PHAX: variants seen among roughly 807,000 people sequenced by gnomAD.
PHAX encodes the protein phosphorylated adaptor for RNA export.
PHAX carries 31 observed loss-of-function variants against 41.6 expected under a neutral mutation model. That is an observed-to-expected ratio of 0.75 (90% confidence interval 0.56 to 1.01). PHAX has a LOEUF of 1.01. Ranked by LOEUF, PHAX falls within the 50% of genes least tolerant of loss-of-function variation. The probability of loss-of-function intolerance (pLI) is 0.00; values close to 1 mark genes in which losing one functional copy is unlikely to be tolerated. For missense variants in PHAX, 453 were observed against 472.9 expected, an observed-to-expected ratio of 0.96 and a Z score of 0.39; for synonymous variants, 175 against 164.9, an observed-to-expected ratio of 1.06 and a Z score of -0.47.
intron 4 of PHAX, among the ~76,000 whole-genome samples, chr5:126,619,704 G>A (rs900339290): frequency 2.6e-5 from 4 of 152,114 alleles, no homozygotes; most frequent in African/African-American, 7.2e-5. Flanking sequence ...ACTAGAAGGT[G>A]TAGACTCTTT....
chr5:126,607,959 T>C (rs1752017079), intron 2 of PHAX, among the ~76,000 whole-genome samples: 1 of 152,186 alleles, frequency 6.6e-6, no homozygotes, highest in South Asian at 2.1e-4. Context: ...CCTATCCCAT[T>C]TTAAAGCTCC....
intron 3 of PHAX, among the ~76,000 whole-genome samples, chr5:126,613,216 G>T (rs1320044449): frequency 6.6e-6 from 1 of 152,086 alleles, no homozygotes; most frequent in African/African-American, 2.4e-5. Context: ...GGGTGTGGTG[G>T]CATGTGCCTG....
intron 3 of PHAX, among the ~76,000 whole-genome samples, chr5:126,616,919 A>G (rs1044127054): frequency 1.3e-5 from 2 of 151,798 alleles, no homozygotes; most frequent in Non-Finnish European, 2.9e-5. Context: ...TGACTTAGCC[A>G]GGTGGCAGAT....
At chr5:126,606,480 C>A (rs999244683) in intron 2 of PHAX, among the ~76,000 whole-genome samples, 3 of 151,986 alleles carry the variant, frequency 2.0e-5, no homozygotes, top group African/African-American at 7.3e-5. Context: ...CTGTGCCCAG[C>A]CAATGTTGTG....
chr5:126,617,296 T>C lies in PHAX; in HGVS notation c.878T>C (p.Leu293Ser). 6.2e-7 allele frequency: 1 copy of C among 1,611,008 alleles called. No homozygotes were observed. Among genetic ancestry groups the C allele is most frequent in the Non-Finnish European group, 8.5e-7 (1 of 1,177,648 alleles). Reference sequence around the variant, plus strand: ...CCAGGTGGAGTTTTTCTGAATCTCTTGAAAAACACTCCTAGTATCAGCGAG... The same window carrying C: ...CCAGGTGGAGTTTTTCTGAATCTCTCGAAAAACACTCCTAGTATCAGCGAG... ...RTPGGVFLNL[L>S]KNTPSISEEQ... The change falls in exon 4 of 5, where the codon TTG becomes TCG. Residue 293 changes from leucine (L) to serine (S), a missense_variant. Coordinates refer to ENST00000297540, the MANE Select transcript of PHAX (RefSeq NM_032177.4).
chr5:126,610,469 G>A (rs954494905), intron 3 of PHAX, among the ~76,000 whole-genome samples: 13 of 152,242 alleles, frequency 8.5e-5, no homozygotes, highest in African/African-American at 3.1e-4. Flanking sequence ...GAAACAGCCT[G>A]TGAACATAAA....
At chr5:126,606,818 ATT>A (rs67434680) in intron 2 of PHAX, among the ~76,000 whole-genome samples, 2 of 149,430 alleles carry the variant, frequency 1.3e-5, no homozygotes, top group Non-Finnish European at 3.0e-5. Context: ...CGCCCAGATA[ATT>A]TTTTTTTTGT....
intron 3 of PHAX, among the ~76,000 whole-genome samples, chr5:126,609,825 C>A (rs915607044): frequency 6.6e-6 from 1 of 152,070 alleles, no homozygotes; most frequent in Non-Finnish European, 1.5e-5. Flanking sequence ...CTGAAACCTC[C>A]ATCTCCCGAG....
intron 4 of PHAX, among the ~76,000 whole-genome samples, chr5:126,617,737 C>T (rs781741251): frequency 7.9e-5 from 12 of 152,184 alleles, no homozygotes; most frequent in Non-Finnish European, 1.6e-4. Context: ...TCTCGGCCCC[C>T]ACAAAGTGCT....
intron 1 of PHAX, 85 bp downstream of exon 1, chr5:126,601,143 G>C: frequency 3.1e-6 from 3 of 962,372 alleles, no homozygotes; most frequent in Non-Finnish European, 4.8e-6. Context: ...GTGAGGGTGA[G>C]GGGTGGGAGC....
chr5:126,614,543 CAG>C (rs1299478752), intron 3 of PHAX, among the ~76,000 whole-genome samples: 1 of 152,058 alleles, frequency 6.6e-6, no homozygotes, highest in Non-Finnish European at 1.5e-5. Flanking sequence ...TTTATGTGTA[CAG>C]AGTTTCAGAT....
intron 1 of PHAX, among the ~76,000 whole-genome samples, chr5:126,603,074 C>CAA (rs200469175): frequency 0.059 from 7,094 of 121,014 alleles, 327 homozygotes; most frequent in African/African-American, 0.13. Flanking sequence ...CCAAAAAATG[C>CAA]AAAAAAAAAA....
At chr5:126,621,403 G>C (rs141812440) in intron 4 of PHAX, among the ~76,000 whole-genome samples, 305 of 151,994 alleles carry the variant, frequency 2.0e-3, no homozygotes, top group African/African-American at 6.8e-3. Flanking sequence ...GCCCAGTCTA[G>C]TCTCAAACTC....
intron 1 of PHAX, among the ~76,000 whole-genome samples, chr5:126,602,408 C>G (rs1751917640): frequency 6.6e-6 from 1 of 152,192 alleles, no homozygotes; most frequent in Admixed American, 6.5e-5. Context: ...TTGTCTACCT[C>G]TGTGGAATTG....
chr5:126,604,355 T>G (rs1426486203), intron 2 of PHAX, among the ~76,000 whole-genome samples, 172 bp downstream of exon 2: 1 of 135,408 alleles, frequency 7.4e-6, no homozygotes, highest in Non-Finnish European at 1.5e-5. Context: ...AACCTCCGCC[T>G]CCTCGCTCAA....
rs1752327685 is a variant in PHAX at position 126,625,041 on chromosome 5, A to G, written c.*197A>G. ...AGATATATCTGACAAAATACTTAAGAGTATATAGCACAGGATTTAATTTCT... is the reference window on the plus strand; with the variant it reads ...AGATATATCTGACAAAATACTTAAGGGTATATAGCACAGGATTTAATTTCT... On this transcript the variant is annotated 3_prime_UTR_variant, in exon 5 of 5. Coordinates refer to ENST00000297540, the MANE Select transcript of PHAX (RefSeq NM_032177.4). 1.8e-6 allele frequency: 1 copy of G among 554,638 alleles called. No individual in the cohort carries two copies. The highest frequency in any genetic ancestry group is 3.1e-6 in the Non-Finnish European group (1 of 319,898). 34.4% of individuals were successfully genotyped at this position (554,638 alleles called of 1,614,324 possible).
At position 126,626,106 on chromosome 5, in the gene PHAX, C is replaced by G. The variant is rs1142104; in HGVS notation, c.*1262C>G. 51,660 of 152,052 alleles carry G rather than the reference C, an allele frequency of 0.34. 12,008 individuals are homozygous for G. Among genetic ancestry groups the G allele is most frequent in the African/African-American group, 0.65 (26,855 of 41,438 alleles). The allele number at this position is 152,052 out of a possible 1,614,324, so 9.4% of individuals were successfully genotyped here. On this transcript the variant is annotated 3_prime_UTR_variant, in exon 5 of 5. Coordinates refer to ENST00000297540, the MANE Select transcript of PHAX (RefSeq NM_032177.4). ...CATTAAAAAATTTTTCAAGCTGGGC[C>G]TAGTGGCGCACACCTGCAATCCCAA...
At chr5:126,601,258 G>T (rs981632087) in intron 1 of PHAX, among the ~76,000 whole-genome samples, 200 bp downstream of exon 1, 2 of 151,994 alleles carry the variant, frequency 1.3e-5, no homozygotes, top group African/African-American at 2.4e-5. Flanking sequence ...GGCTGCGGGG[G>T]CCGAGGGGCG....
At chr5:126,617,212 G>C (rs1416380953) in intron 3 of PHAX, 38 bp from the exon 4 acceptor site, 1 of 1,280,678 alleles carries the variant, frequency 7.8e-7, no homozygotes, top group South Asian at 1.2e-5. Context: ...TTTATGGGAA[G>C]AGTATATGCA....
Sources: gnomAD v4.1 joint callset for allele counts (sites outside exome capture counted in the v4.1 genomes callset) on GRCh38, gnomAD v4.1.1 for gene constraint, MANE v1.5 for transcripts, NCBI Gene and HGNC (gene_info 2026-07-23, HGNC 2026-07-21) for gene names.